The following MIEF2 variants were observed in gnomAD, a reference collection of about 807,000 sequenced individuals.
The protein encoded by MIEF2 is mitochondrial elongation factor 2.
MIEF2 carries 1 observed loss-of-function variant against 7.4 expected under a neutral mutation model. The ratio of observed to expected loss-of-function variants is 0.14; its 90% CI spans 0.05 to 0.64. The LOEUF is 0.64. Ranked by LOEUF, MIEF2 falls within the 30% of genes least tolerant of loss-of-function variation. The pLI, the probability that MIEF2 is intolerant of heterozygous loss-of-function variation, is 0.85. For synonymous variants in MIEF2, 275 were observed against 290.5 expected (o/e 0.95, Z 0.54); for missense variants, 569 against 623.9 (o/e 0.91, Z 0.94).
intron 3 of MIEF2, 54 bp from the exon 4 acceptor site, chr17:18,263,656 T>G (rs768815415): frequency 6.8e-7 from 1 of 1,461,092 alleles, no homozygotes; most frequent in Non-Finnish European, 9.0e-7. Context: ...CGGTGGCGTT[T>G]TCTTAACTAA....
At chr17:18,263,467 A>G in intron 3 of MIEF2, 1 of 862,354 alleles carries the variant, frequency 1.2e-6, no homozygotes, top group Non-Finnish European at 1.9e-6. Flanking sequence ...TGAGGTCCAG[A>G]GGGGCGTGAC....
rs915802475 is a variant in MIEF2, at chr17:18,264,415, C to T, written c.1016C>T (p.Ala339Val). 6.2e-7 allele frequency: 1 copy of T among 1,600,776 alleles called. No homozygotes were observed. Among genetic ancestry groups the T allele is most frequent in the African/African-American group, 1.3e-5 (1 of 74,918 alleles). The change falls in exon 4 of 4, where the codon GCT (alanine) becomes GTT (valine). Residue 339 changes from alanine (A) to valine (V), a missense_variant. Physicochemically the swap from Ala to Val is moderately conservative, Grantham distance 64. Coordinates refer to ENST00000323019, the MANE Select transcript of MIEF2 (RefSeq NM_139162.4). ...LWLQDLYPVE[A>V]ARLRALDDHD... Reference sequence around the variant, plus strand: ...CTGCAGGACCTGTATCCAGTGGAGGCTGCTAGGCTGCGAGCCCTGGACGAC... The same window carrying T: ...CTGCAGGACCTGTATCCAGTGGAGGTTGCTAGGCTGCGAGCCCTGGACGAC...
In MIEF2 at chr17:18,266,143, T is replaced by A. The variant is rs1978737578; in HGVS notation, c.*1379T>A. On this transcript the variant is annotated 3_prime_UTR_variant, in exon 4 of 4. Transcript: ENST00000323019. ...ATTGCTTGAACCCGGGAGGTAGAGG[T>A]TGCAATGAGCTGAAATTGCACCACT... The A allele has an allele frequency of 1.3e-5, 2 of 150,722 alleles. No homozygotes were observed. The highest frequency in any genetic ancestry group is 4.9e-5 in the African/African-American group (2 of 40,768). The allele number at this position is 150,722 out of a possible 1,614,324, so 9.3% of individuals were successfully genotyped here.
In MIEF2 at chr17:18,263,777, A is replaced by G; in HGVS notation, c.378A>G (p.Thr126=). Residue 126 remains threonine, a synonymous_variant, in exon 4 of 4, where the codon ACA becomes ACG. Transcript: ENST00000323019. ...GCTCCCCAGCACCGCTGTGTCTGAC[A>G]CTGCAGGAGAGGCTGCTGGCCTTCG... ...QLSSPAPLCL[T]LQERLLAFER... is the part of the protein sequence containing the mutation. The G allele has an allele frequency of 1.2e-6, 2 of 1,610,530 alleles. No individual in the cohort carries two copies. Among genetic ancestry groups the G allele is most frequent in the Non-Finnish European group, 1.7e-6 (2 of 1,178,958 alleles).
chr17:18,262,350 A>T (rs1978459696), intron 1 of MIEF2, among the ~76,000 whole-genome samples: 1 of 152,104 alleles, frequency 6.6e-6, no homozygotes. Context: ...CCAGGGAGAG[A>T]GGCCCCTTCC....
chr17:18,261,309 G>C, intron 1 of MIEF2: 1 of 925,322 alleles, frequency 1.1e-6, no homozygotes, highest in East Asian at 2.7e-5. Context: ...GCCTGGGATC[G>C]CCCCAGAGAC....
chr17:18,263,689 C>G, intron 3 of MIEF2, 21 bp from the exon 4 acceptor site: 2 of 1,540,992 alleles, frequency 1.3e-6, no homozygotes, highest in Non-Finnish European at 8.7e-7. Flanking sequence ...CCGACATGTT[C>G]CCCGCCCCTT....
chr17:18,261,584 A>G (rs1978418800), intron 1 of MIEF2, among the ~76,000 whole-genome samples: 1 of 152,156 alleles, frequency 6.6e-6, no homozygotes. Flanking sequence ...GCCTGAGGGC[A>G]GTGTCCCCCT....
chr17:18,264,850 C>T lies in MIEF2; in HGVS notation c.*86C>T. On this transcript the variant is annotated 3_prime_UTR_variant, in exon 4 of 4. Coordinates refer to ENST00000323019, the MANE Select transcript of MIEF2 (RefSeq NM_139162.4). ...TCCAGGGATTTGAATAGTGGTTTTT[C>T]TCTAGCTTTTTGCCAGAACAAAGGA... The T allele has an allele frequency of 6.7e-7, 1 of 1,501,654 alleles. No homozygotes were observed. Among genetic ancestry groups the T allele is most frequent in the Non-Finnish European group, 8.9e-7 (1 of 1,126,088 alleles). 93.0% of individuals were successfully genotyped at this position (1,501,654 alleles called of 1,614,324 possible). A position where few individuals can be genotyped will look rare whatever the true frequency, so the allele number is the denominator to read the frequency against.
chr17:18,264,060 C>T lies in MIEF2; in HGVS notation c.661C>T (p.Arg221Cys), dbSNP rs376909447. The change falls in exon 4 of 4, where the codon CGC becomes TGC. Residue 221 changes from arginine (R) to cysteine (C), a missense_variant. By Grantham distance (180) the Arg-to-Cys change is radical. Transcript: ENST00000323019. Reference protein sequence around the residue: ...PGVDTVARDPRCWAVRRTQLE... With the variant: ...PGVDTVARDPCCWAVRRTQLE... Reference sequence around the variant, plus strand: ...CGTGGACACTGTGGCGAGGGACCCTCGCTGCTGGGCCGTGCGCAGGACGCA... The same window carrying T: ...CGTGGACACTGTGGCGAGGGACCCTTGCTGCTGGGCCGTGCGCAGGACGCA... The T allele has an allele frequency of 4.4e-5, 68 of 1,550,186 alleles. No homozygotes were observed. The highest frequency in any genetic ancestry group is 7.0e-5 in the South Asian group (6 of 85,744).
At position 18,264,911 on chromosome 17, in the gene MIEF2, C is replaced by A; in HGVS notation, c.*147C>A. 7.3e-7 allele frequency: 1 copy of A among 1,373,040 alleles called. No individual in the cohort carries two copies. The highest frequency in any genetic ancestry group is 9.6e-7 in the Non-Finnish European group (1 of 1,043,206). 85.1% of individuals were successfully genotyped at this position (1,373,040 alleles called of 1,614,324 possible). A position where few individuals can be genotyped will look rare whatever the true frequency, so the allele number is the denominator to read the frequency against. On this transcript the variant is annotated 3_prime_UTR_variant, in exon 4 of 4. Coordinates refer to ENST00000323019, the MANE Select transcript of MIEF2 (RefSeq NM_139162.4). Reference sequence around the variant, plus strand: ...CTTAAACCCAGGGCATCAGGATGTGCTTGGGCTATGGTGGCCATAAACCCT... The same window carrying A: ...CTTAAACCCAGGGCATCAGGATGTGATTGGGCTATGGTGGCCATAAACCCT...
chr17:18,263,670 C>G (rs1176004691), intron 3 of MIEF2, 40 bp from the exon 4 acceptor site: 12 of 1,508,122 alleles, frequency 8.0e-6, no homozygotes, highest in Non-Finnish European at 1.1e-5. Flanking sequence ...TAACTAATCA[C>G]AGGCTGTTCC....
chr17:18,266,548 A>G lies in MIEF2; in HGVS notation c.*1784A>G, dbSNP rs576368961. The stretch of plus-strand genomic sequence containing the variant: ...ATAAAATAAAATAATAATAGTAATA[A>G]TAAATTAGCATCTCAGTCTGTTTGG... On this transcript the variant is annotated 3_prime_UTR_variant, in exon 4 of 4. Transcript: ENST00000323019. 1 of 152,346 alleles carries G rather than the reference A, an allele frequency of 6.6e-6. No homozygotes were observed. The highest frequency in any genetic ancestry group is 1.5e-5 in the Non-Finnish European group (1 of 68,032). The allele number at this position is 152,346 out of a possible 1,614,324, so 9.4% of individuals were successfully genotyped here. A position where few individuals can be genotyped will look rare whatever the true frequency, so the allele number is the denominator to read the frequency against.
At chr17:18,263,530 G>A in intron 3 of MIEF2, 180 bp from the exon 4 acceptor site, 2 of 920,402 alleles carry the variant, frequency 2.2e-6, no homozygotes, top group South Asian at 3.2e-5. Flanking sequence ...GGACTCTGGG[G>A]CAATGAGAAC....
At position 18,263,892 on chromosome 17, in the gene MIEF2, C is replaced by A. The variant is rs774954964; in HGVS notation, c.493C>A (p.Arg165=). The A allele has an allele frequency of 6.2e-7, 1 of 1,602,612 alleles. No homozygotes were observed. Among genetic ancestry groups the A allele is most frequent in the South Asian group, 1.1e-5 (1 of 91,044 alleles). The change falls in exon 4 of 4, where the codon CGG becomes AGG. Residue 165 remains arginine, a synonymous_variant. Coordinates refer to ENST00000323019, the MANE Select transcript of MIEF2 (RefSeq NM_139162.4). Reference sequence around the variant, plus strand: ...CGCCCTGGAGCTGCAGGCCTACTTTCGGAGCAAGTTCCCGGAACTGCCCTT... The same window carrying A: ...CGCCCTGGAGCTGCAGGCCTACTTTAGGAGCAAGTTCCCGGAACTGCCCTT... ...DIALELQAYF[R]SKFPELPFGA...
Position 18,264,604 on chromosome 17 carries a change from T to C in MIEF2, c.1205T>C (p.Leu402Pro), listed in dbSNP as rs752734724. Residue 402 changes from leucine (L) to proline (P), a missense_variant, in exon 4 of 4, where the codon CTG becomes CCG. Coordinates refer to ENST00000323019, the MANE Select transcript of MIEF2 (RefSeq NM_139162.4). ...GAGGAGGCCTTGGGTGAGCGCTTCC[T>C]GCAAGCCCTGGAGCTGCTCATCGGC... Reference protein sequence around the residue: ...WTEEALGERFLQALELLIGSL... With the variant: ...WTEEALGERFPQALELLIGSL... 1 of 1,611,134 alleles carries C rather than the reference T, an allele frequency of 6.2e-7. No individual in the cohort carries two copies. The highest frequency in any genetic ancestry group is 1.3e-5 in the African/African-American group (1 of 75,026).
At position 18,264,233 on chromosome 17, in the gene MIEF2, G is replaced by C. The variant is rs756831432; in HGVS notation, c.834G>C (p.Leu278=). Residue 278 remains leucine, a synonymous_variant, in exon 4 of 4, where the codon CTG becomes CTC. Coordinates refer to ENST00000323019, the MANE Select transcript of MIEF2 (RefSeq NM_139162.4). ...WPAIGSLLGC[L]IRPSMASEEL... is the part of the protein sequence containing the mutation. ...CCATTGGCAGCCTTCTCGGGTGCCT[G>C]ATCCGGCCCAGCATGGCCTCGGAGG... is the stretch of plus-strand genomic sequence containing the variant. The C allele has an allele frequency of 6.2e-7, 1 of 1,603,674 alleles. No homozygotes were observed. The highest frequency in any genetic ancestry group is 2.2e-5 in the East Asian group (1 of 44,878).
rs141596003 is a variant in MIEF2 at position 18,262,760 on chromosome 17, G to A, written c.40G>A (p.Asp14Asn). 1.3e-4 allele frequency: 204 copies of A among 1,607,934 alleles called. No individual in the cohort carries two copies. The highest frequency in any genetic ancestry group is 2.8e-4 in the African/African-American group (21 of 74,980). ...CCAGAAACGGGGGAAGCGGCGTAGC[G>A]ACGAAGGGCTGGGCAGCATGGTGGA... ...FSQKRGKRRS[D>N]EGLGSMVDFL... Residue 14 changes from aspartate (D) to asparagine (N), a missense_variant, in exon 2 of 4, where the codon GAC (aspartate) becomes AAC (asparagine). Coordinates refer to ENST00000323019, the MANE Select transcript of MIEF2 (RefSeq NM_139162.4).
Position 18,263,786 on chromosome 17 carries a change from G to C in MIEF2, c.387G>C (p.Glu129Asp). 1 of 1,611,072 alleles carries C rather than the reference G, an allele frequency of 6.2e-7. No individual in the cohort carries two copies. Among genetic ancestry groups the C allele is most frequent in the South Asian group, 1.1e-5 (1 of 91,056 alleles). ...CACCGCTGTGTCTGACACTGCAGGA[G>C]AGGCTGCTGGCCTTCGAGCGGGACC... is the stretch of plus-strand genomic sequence containing the variant. ...SPAPLCLTLQERLLAFERDRV... is the reference protein window; with the variant it reads ...SPAPLCLTLQDRLLAFERDRV... The change falls in exon 4 of 4, where the codon GAG (glutamate) becomes GAC (aspartate). Residue 129 changes from glutamate (E) to aspartate (D), a missense_variant. Transcript: ENST00000323019.
Sources: gnomAD v4.1 joint callset for allele counts (sites outside exome capture counted in the v4.1 genomes callset) on GRCh38, gnomAD v4.1.1 for gene constraint, MANE v1.5 for transcripts, NCBI Gene and HGNC (gene_info 2026-07-23, HGNC 2026-07-21) for gene names.